Variants in TNKS observed in about 807,000 individuals in gnomAD.
TNKS encodes the protein poly [ADP-ribose] polymerase tankyrase-1.
TNKS carries 72 observed loss-of-function variants against 135.8 expected under a neutral mutation model. The observed-to-expected ratio is 0.53, with a 90% CI of 0.44 to 0.64. TNKS has a LOEUF of 0.64. Ranked by LOEUF, TNKS falls within the 30% of genes least tolerant of loss-of-function variation. The pLI is 0.00. For missense variants in TNKS, 1,769 were observed against 1,674.0 expected (o/e 1.06, Z -0.99); for synonymous variants, 849 against 649.3 (o/e 1.31, Z -4.68).
At position 9,580,124 on chromosome 8, in the gene TNKS, A is replaced by T. The variant is rs565267479; in HGVS notation, c.674-35A>T. The T allele has an allele frequency of 2.5e-6, 4 of 1,573,708 alleles. No homozygotes were observed. In the African/African-American group the frequency reaches 5.4e-5, roughly 21 times the overall value. ...CTAATGGTTCTTTTTACAAAATCAAATATATATACAAGACATTTTTTCGTT... is the reference window on the plus strand; with the variant it reads ...CTAATGGTTCTTTTTACAAAATCAATTATATATACAAGACATTTTTTCGTT... On this transcript the variant is annotated intron_variant, in intron 1 of 26. Coordinates refer to ENST00000310430, the MANE Select transcript of TNKS (RefSeq NM_003747.3).
chr8:9,557,745 C>T (rs1004763444), intron 1 of TNKS: 1 of 152,038 alleles, frequency 6.6e-6, no homozygotes, highest in Non-Finnish European at 1.5e-5. Context: ...GTTCTGTTAA[C>T]AGTAAAACAT....
chr8:9,693,069 C>T (rs1024753993), intron 5 of TNKS, among the ~76,000 whole-genome samples: 1 of 152,202 alleles, frequency 6.6e-6, no homozygotes, highest in African/African-American at 2.4e-5. Flanking sequence ...ATTGTATTTT[C>T]CTAAGAATTC....
chr8:9,596,260 T>G (rs534621177), intron 2 of TNKS, among the ~76,000 whole-genome samples: 1 of 152,316 alleles, frequency 6.6e-6, no homozygotes, highest in African/African-American at 2.4e-5. Flanking sequence ...TGCATCTTTA[T>G]CATGTTATCT....
intron 3 of TNKS, among the ~76,000 whole-genome samples, chr8:9,660,539 C>A (rs990791547): frequency 6.6e-6 from 1 of 152,174 alleles, no homozygotes; most frequent in African/African-American, 2.4e-5. Flanking sequence ...ATTCAACAAC[C>A]TTCATGCTAA....
rs181783620 is a variant in TNKS, at chr8:9,692,486, G to C, written c.1107+11686G>C. ...TATGTTAAACAGCCTTAGGTTTTAG[G>C]AGTAGTATCATGCCATGATCCACTG... On this transcript the variant is annotated intron_variant, in intron 5 of 26. Coordinates refer to ENST00000310430, the MANE Select transcript of TNKS (RefSeq NM_003747.3). Among the ~76,000 whole-genome samples the C allele has an allele frequency of 3.4e-3, 520 of 152,312 alleles. 1 individual carries two copies. The highest frequency in any genetic ancestry group is 6.3e-3 in the Non-Finnish European group (427 of 68,034).
intron 3 of TNKS, among the ~76,000 whole-genome samples, chr8:9,675,005 C>T (rs1802476784): frequency 6.6e-6 from 1 of 152,108 alleles, no homozygotes; most frequent in African/African-American, 2.4e-5. Flanking sequence ...CCCAGTTGTT[C>T]TGAATATATT....
intron 25 of TNKS, among the ~76,000 whole-genome samples, chr8:9,769,871 G>T (rs950722976): frequency 3.9e-5 from 6 of 151,926 alleles, no homozygotes; most frequent in African/African-American, 1.5e-4. Context: ...TTCTATGGCC[G>T]ATTCCTAAGC....
Position 9,765,652 on chromosome 8 carries a change from C to T in TNKS, c.3448-40C>T, listed in dbSNP as rs202053019. 23 of 1,503,962 alleles carry T rather than the reference C, an allele frequency of 1.5e-5. No homozygotes were observed. In the African/African-American group the frequency reaches 2.2e-4, roughly 14 times the overall value. The allele number at this position is 1,503,962 out of a possible 1,614,324, so 93.2% of individuals were successfully genotyped here. A position where few individuals can be genotyped will look rare whatever the true frequency, so the allele number is the denominator to read the frequency against. ...CTTTTCATTTTAAATCATAAATGCA[C>T]GTTTCACCGATAATGTTTCTTTCTT... On this transcript the variant is annotated intron_variant, in intron 23 of 26. Coordinates refer to ENST00000310430, the MANE Select transcript of TNKS (RefSeq NM_003747.3).
At chr8:9,609,241 A>G (rs1172054264) in intron 2 of TNKS, among the ~76,000 whole-genome samples, 1 of 152,086 alleles carries the variant, frequency 6.6e-6, no homozygotes, top group Non-Finnish European at 1.5e-5. Flanking sequence ...TGCATTTTAG[A>G]TTATTTATGT....
intron 2 of TNKS, among the ~76,000 whole-genome samples, chr8:9,603,115 C>A (rs546155619): frequency 1.4e-4 from 22 of 152,020 alleles, no homozygotes; most frequent in African/African-American, 4.8e-4. Flanking sequence ...TACAGTGGCG[C>A]GATCTTGGCT....
At chr8:9,751,064 G>T (rs1239678018) in intron 18 of TNKS, among the ~76,000 whole-genome samples, 1 of 131,388 alleles carries the variant, frequency 7.6e-6, no homozygotes, top group South Asian at 2.4e-4. Flanking sequence ...ACATTCGGCG[G>T]GTAGGGGGCA....
At chr8:9,627,824 C>T (rs1213843215) in intron 3 of TNKS, among the ~76,000 whole-genome samples, 1 of 152,150 alleles carries the variant, frequency 6.6e-6, no homozygotes, top group Non-Finnish European at 1.5e-5. Flanking sequence ...TTTATCCTTG[C>T]CTCAGCCATT....
chr8:9,617,645 A>G (rs371935557), intron 3 of TNKS, among the ~76,000 whole-genome samples: 1 of 152,320 alleles, frequency 6.6e-6, no homozygotes, highest in East Asian at 1.9e-4. Flanking sequence ...CAGTGGAATT[A>G]TGGTGAAAGA....
chr8:9,766,520 C>T (rs1193299746), intron 25 of TNKS, 95 bp downstream of exon 25: 30 of 1,169,270 alleles, frequency 2.6e-5, no homozygotes, highest in Non-Finnish European at 3.4e-5. Flanking sequence ...AAGTCTTGCT[C>T]TTGTCACCCA....
chr8:9,567,582 A>AT (rs945700809), intron 1 of TNKS, among the ~76,000 whole-genome samples: 33 of 151,626 alleles, frequency 2.2e-4, no homozygotes, highest in Admixed American at 5.9e-4. Flanking sequence ...CGCCCGGCTA[A>AT]TTTTTTTTGT....
At chr8:9,677,483 T>G (rs748416735) in intron 3 of TNKS, among the ~76,000 whole-genome samples, 3 of 152,216 alleles carry the variant, frequency 2.0e-5, no homozygotes, top group Non-Finnish European at 2.9e-5. Context: ...CATGTTTCAC[T>G]ACGACTTAAA....
At chr8:9,759,678 GA>G (rs1335274943) in intron 20 of TNKS, among the ~76,000 whole-genome samples, 1 of 152,076 alleles carries the variant, frequency 6.6e-6, no homozygotes, top group Admixed American at 6.5e-5. Flanking sequence ...TATCAATCCA[GA>G]AAAGTCTGAC....
intron 1 of TNKS, among the ~76,000 whole-genome samples, chr8:9,567,641 TCTC>T (rs1333837083): frequency 6.6e-6 from 1 of 152,132 alleles, no homozygotes; most frequent in Non-Finnish European, 1.5e-5. Context: ...ATGGTCTCGT[TCTC>T]CTGATCTTGT....
At chr8:9,670,262 A>G (rs1195719892) in intron 3 of TNKS, 1 of 152,240 alleles carries the variant, frequency 6.6e-6, no homozygotes, top group Non-Finnish European at 1.5e-5. Flanking sequence ...GGTATTTTGC[A>G]TTAGAAAGTT....
Sources: gnomAD v4.1 joint callset for allele counts (sites outside exome capture counted in the v4.1 genomes callset) on GRCh38, gnomAD v4.1.1 for gene constraint, MANE v1.5 for transcripts, NCBI Gene and HGNC (gene_info 2026-07-23, HGNC 2026-07-21) for gene names.